Variants in HTT observed in about 807,000 individuals in gnomAD.
HTT encodes the protein huntington disease protein.
A neutral mutation model predicts 362.3 loss-of-function variants in HTT; 104 were observed. The observed-to-expected ratio is 0.29, with a 90% CI of 0.24 to 0.34. The LOEUF is 0.34. HTT is among the 10% of genes least tolerant of loss of function. HTT has a pLI of 1.00. For synonymous variants in HTT, 1,577 were observed against 1,548.7 expected (o/e 1.02, Z -0.43); for missense variants, 3,301 against 3,928.6 (o/e 0.84, Z 4.27).
At chr4:3,199,237 A>G (rs1719411714) in intron 40 of HTT, among the ~76,000 whole-genome samples, 2 of 152,222 alleles carry the variant, frequency 1.3e-5, no homozygotes, top group South Asian at 2.1e-4. Context: ...TTTCTTGACC[A>G]GTCCATTAAA....
intron 1 of HTT, among the ~76,000 whole-genome samples, chr4:3,080,693 G>A (rs1393226470): frequency 6.6e-6 from 1 of 152,150 alleles, no homozygotes; most frequent in Non-Finnish European, 1.5e-5. Flanking sequence ...AGTCAAAAAG[G>A]TTTACTCCTA....
intron 40 of HTT, among the ~76,000 whole-genome samples, chr4:3,195,062 C>G (rs1173137134): frequency 6.6e-6 from 1 of 152,194 alleles, no homozygotes; most frequent in Non-Finnish European, 1.5e-5. Context: ...GCCCATCGAT[C>G]TTTCTCTCAT....
At chr4:3,079,267 G>GGGTGGGGGGCAA (rs1712759833) in intron 1 of HTT, among the ~76,000 whole-genome samples, 1 of 140,554 alleles carries the variant, frequency 7.1e-6, no homozygotes, top group East Asian at 2.1e-4. Flanking sequence ...TTTTTTTTTT[G>GGGTGGGGGGCAA]GGGTTGGGGG....
chr4:3,126,713 A>G (rs1480922765), intron 11 of HTT, among the ~76,000 whole-genome samples: 1 of 152,196 alleles, frequency 6.6e-6, no homozygotes. Flanking sequence ...CATAATTTTT[A>G]TATAGCCTTT....
At chr4:3,181,955 G>A (rs1718544905) in intron 36 of HTT, among the ~76,000 whole-genome samples, 1 of 152,238 alleles carries the variant, frequency 6.6e-6, no homozygotes. Flanking sequence ...GAATTGAAGT[G>A]AATGTCCACA....
At chr4:3,174,014 A>T (rs1022775730) in intron 31 of HTT, among the ~76,000 whole-genome samples, 2 of 152,200 alleles carry the variant, frequency 1.3e-5, no homozygotes, top group Non-Finnish European at 2.9e-5. Flanking sequence ...TGCCTAGTAT[A>T]CAGGACTTCT....
chr4:3,136,426 T>G, intron 21 of HTT, 100 bp downstream of exon 21: 1 of 527,954 alleles, frequency 1.9e-6, no homozygotes, highest in East Asian at 3.2e-5. Flanking sequence ...TAGAGCAGTA[T>G]TCCTGAATCT....
chr4:3,076,290 G>A (rs979034597), intron 1 of HTT, among the ~76,000 whole-genome samples: 1 of 152,130 alleles, frequency 6.6e-6, no homozygotes, highest in African/African-American at 2.4e-5. Context: ...TGCAGTTCAG[G>A]CCTTTCTCTT....
intron 6 of HTT, among the ~76,000 whole-genome samples, chr4:3,108,610 T>G (rs1366584015): frequency 6.6e-6 from 1 of 152,206 alleles, no homozygotes; most frequent in Non-Finnish European, 1.5e-5. Flanking sequence ...TTCTCATCAT[T>G]TTCATGATTT....
intron 5 of HTT, among the ~76,000 whole-genome samples, chr4:3,106,201 C>A (rs1714413010): frequency 6.6e-6 from 1 of 152,094 alleles, no homozygotes; most frequent in African/African-American, 2.4e-5. Context: ...ACAAAAAATA[C>A]AAAACTTAGC....
intron 2 of HTT, among the ~76,000 whole-genome samples, chr4:3,090,462 A>C (rs546113395): frequency 1.3e-5 from 2 of 152,378 alleles, no homozygotes; most frequent in South Asian, 4.1e-4. Flanking sequence ...ACCTCTTACT[A>C]ATATGTACCT....
chr4:3,219,441 G>A (rs917536383), intron 52 of HTT, among the ~76,000 whole-genome samples: 2 of 152,232 alleles, frequency 1.3e-5, no homozygotes, highest in Admixed American at 6.5e-5. Context: ...GAAGGCAGCT[G>A]TAACAGGCAC....
At chr4:3,231,727 G>T (rs1453018962) in intron 60 of HTT, among the ~76,000 whole-genome samples, 1 of 152,146 alleles carries the variant, frequency 6.6e-6, no homozygotes, top group East Asian at 1.9e-4. Context: ...TCTGGGTGTT[G>T]CCCACACGAT....
intron 2 of HTT, among the ~76,000 whole-genome samples, chr4:3,098,385 GTAGT>G (rs1713973213): frequency 6.6e-6 from 1 of 152,198 alleles, no homozygotes; most frequent in African/African-American, 2.4e-5. Context: ...TGGTTTCAGA[GTAGT>G]TAGATTGGGA....
intron 40 of HTT, among the ~76,000 whole-genome samples, chr4:3,194,525 A>G (rs1719158278): frequency 6.6e-6 from 1 of 152,230 alleles, no homozygotes; most frequent in African/African-American, 2.4e-5. Flanking sequence ...TTGTAGCCTC[A>G]ACACGGCCTT....
At position 3,094,899 on chromosome 4, in the gene HTT, C is replaced by G. The variant is rs573210984; in HGVS notation, c.348-4375C>G. ...TTAAGTTCCCAGACGGAGTCACGGCCGGGCAGAGGTGCTCTTCACATCTCA... is the reference window on the plus strand; with the variant it reads ...TTAAGTTCCCAGACGGAGTCACGGCGGGGCAGAGGTGCTCTTCACATCTCA... On this transcript the variant is annotated intron_variant, in intron 2 of 66. Transcript: ENST00000355072. Among the ~76,000 whole-genome samples, 9 of 151,038 alleles carry G rather than the reference C, an allele frequency of 6.0e-5. No homozygotes were observed. The East Asian group carries it at 1.8e-3, about 30-fold the overall frequency.
intron 6 of HTT, chr4:3,113,112 C>G (rs919471285): frequency 3.2e-6 from 2 of 634,180 alleles, no homozygotes; most frequent in East Asian, 2.8e-4. Context: ...TATGCCTCCT[C>G]TGTGTTTGAA....
chr4:3,235,671 G>T lies in HTT; in HGVS notation c.8678G>T (p.Arg2893Leu), dbSNP rs574794357. 7.4e-6 allele frequency: 12 copies of T among 1,613,634 alleles called. No individual in the cohort carries two copies. The highest frequency in any genetic ancestry group is 6.7e-5 in the Admixed American group (4 of 60,010). Residue 2893 changes from arginine (R) to leucine (L), a missense_variant, in exon 63 of 67, where the codon CGC becomes CTC. Physicochemically the swap from Arg to Leu is moderately radical, Grantham distance 102. This residue lies in a region of HTT where 753 missense variants were observed against 1,021.3 expected (regional missense o/e 0.74). Transcript: ENST00000355072. ...CTCCTGCTCTCTGAGCAGCTCTCCCGCCTGGATGCAGAATCGCTGGTCAAG... is the reference window on the plus strand; with the variant it reads ...CTCCTGCTCTCTGAGCAGCTCTCCCTCCTGGATGCAGAATCGCTGGTCAAG... ...ERLLLSEQLS[R>L]LDAESLVKLS...
chr4:3,156,354 A>C (rs1042760824), intron 27 of HTT, among the ~76,000 whole-genome samples: 1 of 152,158 alleles, frequency 6.6e-6, no homozygotes, highest in Non-Finnish European at 1.5e-5. Context: ...TCCTGACCTC[A>C]AGTGATCCGC....
Sources: gnomAD v4.1 joint callset for allele counts (sites outside exome capture counted in the v4.1 genomes callset) on GRCh38, gnomAD v4.1.1 for gene constraint, gnomAD v4.1.1 regional missense constraint, MANE v1.5 for transcripts, NCBI Gene and HGNC (gene_info 2026-07-23, HGNC 2026-07-21) for gene names.